Variants in PMM2 observed in about 807,000 individuals in gnomAD.
PMM2 encodes phosphomannomutase 2, also known as mannose-6-phosphate isomerase.
Under a neutral mutation model 33.2 loss-of-function variants are expected in PMM2, and 35 were observed. The observed-to-expected ratio is 1.06, with a 90% CI of 0.81 to 1.40. The LOEUF is 1.40. Among genes scored for constraint, PMM2 ranks in the 40% most tolerant of loss-of-function variants. PMM2 has a pLI of 0.00. For synonymous variants in PMM2, 153 were observed against 114.7 expected, an observed-to-expected ratio of 1.33 and a Z score of -2.13; for missense variants, 386 against 306.0, an observed-to-expected ratio of 1.26 and a Z score of -1.95.
chr16:8,840,157 A>G (rs1320058766), intron 7 of PMM2, among the ~76,000 whole-genome samples: 5 of 151,764 alleles, frequency 3.3e-5, no homozygotes, highest in Non-Finnish European at 7.4e-5. Flanking sequence ...CTAGGAGAGA[A>G]TGGGTAAGGT....
chr16:8,827,897 TGATATATATTATA>T (rs1241382317), intron 7 of PMM2, among the ~76,000 whole-genome samples: 4 of 40,260 alleles, frequency 9.9e-5, no homozygotes, highest in African/African-American at 4.0e-4. Context: ...ATGATATATA[TGATATATATTATA>T]TATATTATGT....
intron 7 of PMM2, chr16:8,832,669 C>T (rs1351311219): frequency 4.1e-6 from 4 of 985,324 alleles, no homozygotes; most frequent in Non-Finnish European, 4.8e-6. Flanking sequence ...TGCGTCCTCA[C>T]CCCGCACCCG....
At chr16:8,808,920 C>G (rs4985038) in intron 4 of PMM2, 33,927 of 152,196 alleles carry the variant, frequency 0.22, 4,259 homozygotes, top group South Asian at 0.34. Flanking sequence ...ACATCATTTG[C>G]CTCTTTCTCT....
intron 2 of PMM2, among the ~76,000 whole-genome samples, chr16:8,802,691 G>A (rs970058696): frequency 6.6e-6 from 1 of 152,042 alleles, no homozygotes; most frequent in East Asian, 1.9e-4. Flanking sequence ...TGAGCTGGGC[G>A]TGATGACGGG....
At chr16:8,809,290 T>C (rs1378072734) in intron 4 of PMM2, 2 of 152,230 alleles carry the variant, frequency 1.3e-5, no homozygotes, top group African/African-American at 2.4e-5. Context: ...AAATGTTTCA[T>C]AGGGTTCCCA....
chr16:8,827,937 ATTTATAAATAT>A (rs2060786694), intron 7 of PMM2, among the ~76,000 whole-genome samples: 1 of 32,732 alleles, frequency 3.1e-5, no homozygotes, highest in African/African-American at 9.0e-5. Flanking sequence ...TATAATATAT[ATTTATAAATAT>A]ATATATTTAT....
At chr16:8,810,947 G>A in intron 4 of PMM2, 132 bp from the exon 5 acceptor site, 1 of 705,048 alleles carries the variant, frequency 1.4e-6, no homozygotes, top group Non-Finnish European at 2.6e-6. Context: ...ATATTACATA[G>A]CACAGAGCTG....
intron 4 of PMM2, among the ~76,000 whole-genome samples, chr16:8,807,242 A>G (rs528725956): frequency 6.6e-6 from 1 of 151,284 alleles, no homozygotes; most frequent in African/African-American, 2.4e-5. Context: ...CCCAACCTCA[A>G]CTGATCCACC....
chr16:8,804,594 T>TA lies in PMM2; in HGVS notation c.179-166dup, dbSNP rs951300216. Among the ~76,000 whole-genome samples, 208 of 152,224 alleles carry TA rather than the reference T, an allele frequency of 1.4e-3. 1 individual carries two copies. The highest frequency in any genetic ancestry group is 4.9e-3 in the African/African-American group (203 of 41,532). ...TAAATGTGTAACCAAAAAGAGCCAT[T>TA]AAAAAAACAAGGAACTTTTTTCCAT... On this transcript the variant is annotated intron_variant, in intron 2 of 7. Transcript: ENST00000268261.
chr16:8,838,679 C>T (rs1205098749), intron 7 of PMM2, among the ~76,000 whole-genome samples: 6 of 151,822 alleles, frequency 4.0e-5, no homozygotes, highest in Admixed American at 6.6e-5. Context: ...AGAAACTAAA[C>T]AGAAGATCCA....
At chr16:8,815,588 C>T (rs1416297165) in intron 7 of PMM2, among the ~76,000 whole-genome samples, 1 of 152,044 alleles carries the variant, frequency 6.6e-6, no homozygotes, top group Non-Finnish European at 1.5e-5. Flanking sequence ...GAGTTGTTTC[C>T]GTATCTTGGC....
At chr16:8,840,000 G>A (rs2060879058) in intron 7 of PMM2, among the ~76,000 whole-genome samples, 2 of 151,630 alleles carry the variant, frequency 1.3e-5, no homozygotes, top group African/African-American at 4.8e-5. Context: ...GGAGGGTAAA[G>A]GTGAGGGCTG....
At chr16:8,832,815 T>G (rs1001435780) in intron 7 of PMM2, 1 of 985,212 alleles carries the variant, frequency 1.0e-6, no homozygotes, top group South Asian at 4.7e-5. Flanking sequence ...CCCCTGCCCA[T>G]CCTCCCTCTT....
intron 7 of PMM2, among the ~76,000 whole-genome samples, chr16:8,823,870 G>A (rs1027383033): frequency 2.0e-4 from 31 of 152,268 alleles, no homozygotes; most frequent in African/African-American, 7.5e-4. Context: ...GACTTCTATT[G>A]GCTCTGTTAG....
At chr16:8,844,178 A>AT (rs1337176179) in intron 7 of PMM2, among the ~76,000 whole-genome samples, 2 of 152,206 alleles carry the variant, frequency 1.3e-5, no homozygotes, top group Non-Finnish European at 2.9e-5. Context: ...GCAGAAGAAA[A>AT]TAAGGCATTT....
chr16:8,818,584 G>A (rs2060720480), intron 7 of PMM2, among the ~76,000 whole-genome samples: 2 of 152,182 alleles, frequency 1.3e-5, no homozygotes. Flanking sequence ...GAGGCTGTCA[G>A]TAAAAAAGCC....
At chr16:8,812,784 G>A (rs1021579277) in intron 6 of PMM2, among the ~76,000 whole-genome samples, 1 of 152,130 alleles carries the variant, frequency 6.6e-6, no homozygotes, top group African/African-American at 2.4e-5. Flanking sequence ...CTCAATTTTA[G>A]ACCTATGTGA....
chr16:8,806,185 G>A lies in PMM2; in HGVS notation c.256-131G>A. ...GAGAAGGAATTAAACAGACAGTGGGGCATGTCACCATCACTGCTACATCAG... is the reference window on the plus strand; with the variant it reads ...GAGAAGGAATTAAACAGACAGTGGGACATGTCACCATCACTGCTACATCAG... On this transcript the variant is annotated intron_variant, in intron 3 of 7. Transcript: ENST00000268261. The A allele has an allele frequency of 9.8e-6, 7 of 716,714 alleles. 1 individual carries two copies. The South Asian group carries it at 1.0e-4, about 10-fold the overall frequency. 44.4% of individuals were successfully genotyped at this position (716,714 alleles called of 1,614,324 possible).
chr16:8,829,617 C>A (rs901653913), intron 7 of PMM2, among the ~76,000 whole-genome samples: 1 of 152,214 alleles, frequency 6.6e-6, no homozygotes, highest in Non-Finnish European at 1.5e-5. Flanking sequence ...TGATCCACTC[C>A]ACTCAAGGTG....
Sources: allele counts gnomAD v4.1 joint callset (sites outside exome capture counted in the v4.1 genomes callset), GRCh38; gene constraint gnomAD v4.1.1; transcripts MANE v1.5; gene names NCBI Gene and HGNC (gene_info 2026-07-23, HGNC 2026-07-21).